WWOX: variants seen among roughly 807,000 people sequenced by gnomAD.
WWOX encodes the protein WW domain containing oxidoreductase.
In WWOX, 69 loss-of-function variants were observed where a neutral mutation model predicts 46.2. The observed-to-expected ratio is 1.49, with a 90% CI of 1.23 to 1.82. The LOEUF (loss-of-function observed/expected upper bound fraction) is 1.82, where lower values mean the gene tolerates loss of function less well. Ranked by LOEUF, WWOX falls within the 40% of genes most tolerant of loss-of-function variation. The pLI is 0.00. For synonymous variants in WWOX, 359 were observed against 202.6 expected (o/e 1.77, Z -6.56); for missense variants, 919 against 542.6 (o/e 1.69, Z -6.89).
chr16:79,133,013 CTG>C (rs1222255172), intron 8 of WWOX, among the ~76,000 whole-genome samples: 11 of 152,160 alleles, frequency 7.2e-5, no homozygotes, highest in Non-Finnish European at 1.5e-4. Context: ...GCACACAGCT[CTG>C]TGAGATTTTC....
At chr16:79,078,615 A>G (rs1032753921) in intron 8 of WWOX, among the ~76,000 whole-genome samples, 1 of 152,212 alleles carries the variant, frequency 6.6e-6, no homozygotes, top group Non-Finnish European at 1.5e-5. Flanking sequence ...CATTTAACAC[A>G]GTTCCTGGCC....
chr16:79,092,864 G>C lies in WWOX; in HGVS notation c.1057-118744G>C, dbSNP rs540079001. Among the ~76,000 whole-genome samples the C allele has an allele frequency of 4.6e-5, 7 of 152,214 alleles. No individual in the cohort carries two copies. The South Asian group carries it at 8.3e-4, about 18-fold the overall frequency. ...GCCCCTCAGCCCTCATAACCCCCCAGCTCCATAGGAGTGGAGTTTGGATTT... is the reference window on the plus strand; with the variant it reads ...GCCCCTCAGCCCTCATAACCCCCCACCTCCATAGGAGTGGAGTTTGGATTT... On this transcript the variant is annotated intron_variant, in intron 8 of 8. Coordinates refer to ENST00000566780, the MANE Select transcript of WWOX (RefSeq NM_016373.4).
At chr16:78,972,777 C>G (rs1248603940) in intron 8 of WWOX, among the ~76,000 whole-genome samples, 1 of 152,134 alleles carries the variant, frequency 6.6e-6, no homozygotes, top group South Asian at 2.1e-4. Flanking sequence ...CTCTGTGATT[C>G]AGTGGAAACA....
chr16:78,901,082 A>T (rs770405409), intron 8 of WWOX, among the ~76,000 whole-genome samples: 2 of 152,176 alleles, frequency 1.3e-5, no homozygotes, highest in Non-Finnish European at 2.9e-5. Flanking sequence ...GCACACATCT[A>T]GAAGTTCCGG....
At chr16:78,852,361 C>G (rs373211702) in intron 8 of WWOX, among the ~76,000 whole-genome samples, 1 of 152,198 alleles carries the variant, frequency 6.6e-6, no homozygotes, top group Non-Finnish European at 1.5e-5. Context: ...TTCTGCTTTG[C>G]TTCTCTTGGA....
Position 78,838,320 on chromosome 16 carries a change from A to T in WWOX, c.1057-373288A>T, listed in dbSNP as rs150091091. 9.2e-5 allele frequency among the ~76,000 whole-genome samples: 14 copies of T among 152,282 alleles called. No individual in the cohort carries two copies. The East Asian group carries it at 2.7e-3, about 29-fold the overall frequency. Reference sequence around the variant, plus strand: ...GTTGCAGAGTGACAGTGAACCAGGAACCAGAAGAGCTGACTTCAGAGGAGG... The same window carrying T: ...GTTGCAGAGTGACAGTGAACCAGGATCCAGAAGAGCTGACTTCAGAGGAGG... On this transcript the variant is annotated intron_variant, in intron 8 of 8. Transcript: ENST00000566780.
chr16:78,547,154 A>G (rs945470185), intron 8 of WWOX, among the ~76,000 whole-genome samples: 1 of 128,980 alleles, frequency 7.8e-6, no homozygotes, highest in South Asian at 2.5e-4. Flanking sequence ...AAAAAAAAAA[A>G]AAAAACAACT....
chr16:79,207,491 A>G (rs370457719), intron 8 of WWOX, among the ~76,000 whole-genome samples: 2 of 152,196 alleles, frequency 1.3e-5, no homozygotes, highest in Non-Finnish European at 2.9e-5. Context: ...TCATAACTCT[A>G]CTTTTTGCAT....
At chr16:78,607,914 G>A (rs1374056342) in intron 8 of WWOX, among the ~76,000 whole-genome samples, 1 of 152,124 alleles carries the variant, frequency 6.6e-6, no homozygotes, top group Non-Finnish European at 1.5e-5. Flanking sequence ...TTTGAGACCT[G>A]TAAAAATATT....
chr16:78,939,738 C>A (rs866424874), intron 8 of WWOX, among the ~76,000 whole-genome samples: 1 of 152,238 alleles, frequency 6.6e-6, no homozygotes, highest in Non-Finnish European at 1.5e-5. Context: ...ATCCCCATTT[C>A]TGGGTAACCC....
At chr16:78,378,030 G>C (rs2081870343) in intron 5 of WWOX, among the ~76,000 whole-genome samples, 1 of 152,102 alleles carries the variant, frequency 6.6e-6, no homozygotes, top group Non-Finnish European at 1.5e-5. Flanking sequence ...GGGCCCTGGA[G>C]TGAAGGTTGA....
intron 8 of WWOX, among the ~76,000 whole-genome samples, chr16:78,602,533 C>T (rs933607490): frequency 4.6e-5 from 7 of 152,072 alleles, no homozygotes; most frequent in Admixed American, 2.6e-4. Context: ...CACCCGGCCT[C>T]TTCTCGATAG....
chr16:78,292,504 C>CTAT, intron 5 of WWOX, among the ~76,000 whole-genome samples: 1 of 152,184 alleles, frequency 6.6e-6, no homozygotes, highest in South Asian at 2.1e-4. Context: ...TTTTTTATAG[C>CTAT]TATGCATGCA....
chr16:78,226,003 GTAC>G (rs2037042052), intron 5 of WWOX, among the ~76,000 whole-genome samples: 1 of 151,850 alleles, frequency 6.6e-6, no homozygotes, highest in Non-Finnish European at 1.5e-5. Flanking sequence ...CCTTTTACTG[GTAC>G]TTCTGCATCT....
intron 8 of WWOX, among the ~76,000 whole-genome samples, chr16:78,500,334 C>A (rs954916594): frequency 6.6e-6 from 1 of 152,224 alleles, no homozygotes; most frequent in Admixed American, 6.5e-5. Flanking sequence ...ATTCCCGCTG[C>A]CATTCAGTTT....
chr16:78,188,244 C>A (rs1163871180), intron 5 of WWOX, among the ~76,000 whole-genome samples: 2 of 152,126 alleles, frequency 1.3e-5, no homozygotes, highest in Non-Finnish European at 2.9e-5. Context: ...AATCCCAGCA[C>A]TTTGGGAGGC....
chr16:78,590,159 T>TCTCC (rs2045318072), intron 8 of WWOX, among the ~76,000 whole-genome samples: 1 of 151,900 alleles, frequency 6.6e-6, no homozygotes, highest in Non-Finnish European at 1.5e-5. Flanking sequence ...TCTCTCTCTC[T>TCTCC]CTCTGTTTAT....
chr16:78,476,313 G>C (rs1965588), intron 8 of WWOX, among the ~76,000 whole-genome samples: 16,420 of 152,190 alleles, frequency 0.11, 1,571 homozygotes, highest in African/African-American at 0.25. Context: ...CCACTTGGGT[G>C]GATGAAGCTG....
intron 8 of WWOX, among the ~76,000 whole-genome samples, chr16:79,116,012 A>G (rs1303621945): frequency 6.6e-6 from 1 of 152,236 alleles, no homozygotes; most frequent in Non-Finnish European, 1.5e-5. Flanking sequence ...AGTGCATACA[A>G]AAGTTGCTTA....
Sources: gnomAD v4.1 joint callset for allele counts (sites outside exome capture counted in the v4.1 genomes callset) on GRCh38, gnomAD v4.1.1 for gene constraint, MANE v1.5 for transcripts, NCBI Gene and HGNC (gene_info 2026-07-23, HGNC 2026-07-21) for gene names.